CALN1: variants seen among roughly 807,000 people sequenced by gnomAD.
The protein encoded by CALN1 is calneuron 1.
Under a neutral mutation model 30.6 loss-of-function variants are expected in CALN1, and 17 were observed. The observed-to-expected ratio is 0.56, with a 90% CI of 0.38 to 0.83. CALN1 has a LOEUF of 0.83. Ranked by LOEUF, CALN1 falls within the 40% of genes least tolerant of loss-of-function variation. CALN1 has a pLI of 0.00. For synonymous variants in CALN1, 156 were observed against 131.4 expected (o/e 1.19, Z -1.28); for missense variants, 291 against 354.9 (o/e 0.82, Z 1.45).
At chr7:72,097,361 A>C (rs976075659) in intron 4 of CALN1, among the ~76,000 whole-genome samples, 1 of 152,216 alleles carries the variant, frequency 6.6e-6, no homozygotes, top group Non-Finnish European at 1.5e-5. Context: ...TTAGGTCTTG[A>C]GGATATCAAG....
intron 5 of CALN1, among the ~76,000 whole-genome samples, chr7:71,925,433 A>G (rs1270035286): frequency 6.7e-6 from 1 of 149,946 alleles, no homozygotes; most frequent in African/African-American, 2.4e-5. Context: ...ACTATTTTTT[A>G]TAGTAAAGGT....
At chr7:71,907,959 G>A (rs67172404) in intron 5 of CALN1, among the ~76,000 whole-genome samples, 25,452 of 152,286 alleles carry the variant, frequency 0.17, 2,452 homozygotes, top group Non-Finnish European at 0.22. Context: ...TGTGCGCGTG[G>A]ACATGGGGGC....
chr7:71,843,678 A>G (rs1790072850), intron 5 of CALN1, among the ~76,000 whole-genome samples: 1 of 152,172 alleles, frequency 6.6e-6, no homozygotes, highest in Non-Finnish European at 1.5e-5. Flanking sequence ...CTCATGGCAA[A>G]GATAACCCTC....
At chr7:71,909,692 A>G (rs1358733541) in intron 5 of CALN1, among the ~76,000 whole-genome samples, 5 of 152,112 alleles carry the variant, frequency 3.3e-5, no homozygotes, top group East Asian at 1.9e-4. Flanking sequence ...TTTCTCCCCA[A>G]GTTACACAGG....
At chr7:72,303,951 T>C (rs1799469769) in intron 2 of CALN1, among the ~76,000 whole-genome samples, 1 of 152,210 alleles carries the variant, frequency 6.6e-6, no homozygotes, top group Non-Finnish European at 1.5e-5. Context: ...TACATAATCA[T>C]AGTAATCATA....
intron 4 of CALN1, among the ~76,000 whole-genome samples, chr7:72,027,668 A>C (rs1801149924): frequency 6.6e-6 from 1 of 151,026 alleles, no homozygotes; most frequent in African/African-American, 2.4e-5. Context: ...CTAAGATGGC[A>C]CCACTGCACT....
In CALN1 at chr7:72,403,438, A is replaced by G; in HGVS notation, c.-69T>C. ...CAAAGGAACGTCAGCGAAGGCACTGAGACTCTGAAAGGAGTTGACAGAAAC... is the reference window on the plus strand; with the variant it reads ...CAAAGGAACGTCAGCGAAGGCACTGGGACTCTGAAAGGAGTTGACAGAAAC... On this transcript the variant is annotated 5_prime_UTR_variant, in exon 2 of 7. Coordinates refer to ENST00000395275, the MANE Select transcript of CALN1 (RefSeq NM_031468.4). 7.9e-7 allele frequency: 1 copy of G among 1,260,812 alleles called. No individual in the cohort carries two copies. The highest frequency in any genetic ancestry group is 1.1e-6 in the Non-Finnish European group (1 of 910,414). The allele number at this position is 1,260,812 out of a possible 1,614,324, so 78.1% of individuals were successfully genotyped here.
chr7:71,969,036 G>A (rs1797664359), intron 5 of CALN1, among the ~76,000 whole-genome samples: 1 of 150,752 alleles, frequency 6.6e-6, no homozygotes, highest in Admixed American at 6.6e-5. Flanking sequence ...GTGACAGAGT[G>A]AGCCTCTATC....
intron 5 of CALN1, among the ~76,000 whole-genome samples, chr7:71,893,160 C>A (rs1359664862): frequency 6.6e-6 from 1 of 152,070 alleles, no homozygotes; most frequent in Non-Finnish European, 1.5e-5. Context: ...GATCCTGCAC[C>A]CTCAGGGGAC....
intron 5 of CALN1, among the ~76,000 whole-genome samples, chr7:72,020,503 A>G (rs1800642805): frequency 6.6e-6 from 1 of 152,140 alleles, no homozygotes; most frequent in Admixed American, 6.5e-5. Context: ...CGCAGGGGGA[A>G]GAAGGGGAGG....
intron 3 of CALN1, among the ~76,000 whole-genome samples, chr7:72,199,531 G>A (rs1221369504): frequency 6.6e-6 from 1 of 152,086 alleles, no homozygotes; most frequent in African/African-American, 2.4e-5. Flanking sequence ...ACCAGCTTGG[G>A]CAACATAGTG....
In CALN1 at chr7:71,841,265, G is replaced by C. The variant is rs145340477; in HGVS notation, c.502-30773C>G. ...TCTCACTCCGGGAAGGCAGGCTGCTGCCTCTCTGCCCTCCCTCTCTCTGGG... is the reference window on the plus strand; with the variant it reads ...TCTCACTCCGGGAAGGCAGGCTGCTCCCTCTCTGCCCTCCCTCTCTCTGGG... On this transcript the variant is annotated intron_variant, in intron 5 of 6. Transcript: ENST00000395275. Among the ~76,000 whole-genome samples, 32 of 152,316 alleles carry C rather than the reference G, an allele frequency of 2.1e-4. 1 individual carries two copies. In the East Asian group the frequency reaches 3.9e-3, roughly 18 times the overall value.
chr7:72,098,337 AC>A (rs879914322), intron 4 of CALN1, among the ~76,000 whole-genome samples: 1 of 152,054 alleles, frequency 6.6e-6, no homozygotes, highest in Non-Finnish European at 1.5e-5. Flanking sequence ...CCAAGAAATA[AC>A]TTTTGCAGTG....
chr7:72,208,012 A>G (rs2129547949), intron 3 of CALN1, among the ~76,000 whole-genome samples: 1 of 152,332 alleles, frequency 6.6e-6, no homozygotes, highest in South Asian at 2.1e-4. Flanking sequence ...GTATTGTTAA[A>G]CTCAGAAGAT....
intron 6 of CALN1, among the ~76,000 whole-genome samples, chr7:71,803,845 G>T (rs1241280351): frequency 2.0e-5 from 3 of 151,958 alleles, no homozygotes; most frequent in African/African-American, 7.2e-5. Context: ...TTCCTTGGGA[G>T]AAAATGTAAA....
chr7:72,094,360 T>G (rs1035651879), intron 4 of CALN1, among the ~76,000 whole-genome samples: 1 of 152,146 alleles, frequency 6.6e-6, no homozygotes, highest in Non-Finnish European at 1.5e-5. Flanking sequence ...GTTCAAGTGA[T>G]TCTCCTGCCG....
intron 3 of CALN1, among the ~76,000 whole-genome samples, chr7:72,136,484 A>G (rs1809523118): frequency 6.6e-6 from 1 of 152,116 alleles, no homozygotes; most frequent in Non-Finnish European, 1.5e-5. Flanking sequence ...TTCTATCCAG[A>G]CCTCTAAAAC....
chr7:72,307,507 G>A (rs1464571854), intron 2 of CALN1, among the ~76,000 whole-genome samples: 1 of 152,204 alleles, frequency 6.6e-6, no homozygotes, highest in African/African-American at 2.4e-5. Flanking sequence ...CATCTAATGG[G>A]CTGTGATCCT....
chr7:72,279,328 A>G (rs1797576874), intron 2 of CALN1, among the ~76,000 whole-genome samples: 1 of 152,180 alleles, frequency 6.6e-6, no homozygotes, highest in Non-Finnish European at 1.5e-5. Context: ...CCCAAGCTCT[A>G]AGTAAGTACA....
Sources: allele counts gnomAD v4.1 joint callset (sites outside exome capture counted in the v4.1 genomes callset), GRCh38; gene constraint gnomAD v4.1.1; transcripts MANE v1.5; gene names NCBI Gene and HGNC (gene_info 2026-07-23, HGNC 2026-07-21).